TRDN: variants seen among roughly 807,000 people sequenced by gnomAD.
TRDN encodes the protein triadin in skeletal muscle.
Under a neutral mutation model 149.7 loss-of-function variants are expected in TRDN, and 161 were observed. The observed-to-expected ratio is 1.08, with a 90% CI of 0.95 to 1.23. The LOEUF is 1.23. TRDN is among the 50% of genes most tolerant of loss of function. TRDN has a pLI of 0.00. For missense variants in TRDN, 896 were observed against 823.5 expected (o/e 1.09, Z -1.08); for synonymous variants, 294 against 250.5 (o/e 1.17, Z -1.64).
At chr6:123,424,094 T>C (rs972721706) in intron 12 of TRDN, among the ~76,000 whole-genome samples, 2 of 152,280 alleles carry the variant, frequency 1.3e-5, no homozygotes, top group Admixed American at 1.3e-4. Flanking sequence ...CATTGTCATT[T>C]TTTGTTGATT....
chr6:123,258,929 G>T (rs147920155), intron 35 of TRDN, among the ~76,000 whole-genome samples: 1 of 152,110 alleles, frequency 6.6e-6, no homozygotes. Context: ...TTACATAGAG[G>T]TGTTTATAGT....
chr6:123,336,165 T>C (rs571344089), intron 22 of TRDN, among the ~76,000 whole-genome samples: 2 of 152,170 alleles, frequency 1.3e-5, no homozygotes, highest in Admixed American at 6.6e-5. Context: ...CAAAAGTGCT[T>C]TTGTGAATAC....
chr6:123,491,922 A>T (rs1022166069), intron 9 of TRDN, among the ~76,000 whole-genome samples: 24 of 152,160 alleles, frequency 1.6e-4, no homozygotes, highest in Admixed American at 1.6e-3. Context: ...AATACATTAA[A>T]CCATTAAATA....
intron 40 of TRDN, among the ~76,000 whole-genome samples, chr6:123,221,149 C>T (rs1025139329): frequency 3.3e-5 from 5 of 151,690 alleles, no homozygotes; most frequent in Non-Finnish European, 5.9e-5. Flanking sequence ...AAAAATTTGG[C>T]ATATTACTTC....
rs368816241 is a variant in TRDN at position 123,616,430 on chromosome 6, A to G, written c.22+20324T>C. Among the ~76,000 whole-genome samples, 5 of 152,096 alleles carry G rather than the reference A, an allele frequency of 3.3e-5. 1 individual carries two copies. The South Asian group carries it at 6.2e-4, about 19-fold the overall frequency. Reference sequence around the variant, plus strand: ...ATCAAATGTTTTCTTTTAGTGCTTCATGCAGTGTCTGATATGTTGTAGGAA... The same window carrying G: ...ATCAAATGTTTTCTTTTAGTGCTTCGTGCAGTGTCTGATATGTTGTAGGAA... On this transcript the variant is annotated intron_variant, in intron 1 of 40. Transcript: ENST00000334268.
intron 35 of TRDN, 85 bp downstream of exon 35, chr6:123,259,539 A>G: frequency 1.1e-6 from 1 of 885,328 alleles, no homozygotes; most frequent in Non-Finnish European, 1.7e-6. Context: ...ACTGTTTTTA[A>G]ATCATATAAT....
At chr6:123,233,371 G>A (rs1272929378) in intron 38 of TRDN, among the ~76,000 whole-genome samples, 3 of 152,118 alleles carry the variant, frequency 2.0e-5, no homozygotes, top group South Asian at 2.1e-4. Flanking sequence ...TGACTCTAGG[G>A]AATAATAAAC....
intron 21 of TRDN, among the ~76,000 whole-genome samples, chr6:123,344,824 G>A (rs972060762): frequency 1.3e-5 from 2 of 152,000 alleles, no homozygotes; most frequent in Admixed American, 6.6e-5. Context: ...TGCATCGTGA[G>A]AGTAAGGTTA....
At chr6:123,421,625 T>C (rs1773905317) in intron 12 of TRDN, 1 of 152,114 alleles carries the variant, frequency 6.6e-6, no homozygotes, top group African/African-American at 2.4e-5. Flanking sequence ...GATGGCCAAC[T>C]CTGCATCAAT....
chr6:123,237,978 G>A (rs181166745), intron 38 of TRDN, among the ~76,000 whole-genome samples: 1 of 152,228 alleles, frequency 6.6e-6, no homozygotes, highest in Non-Finnish European at 1.5e-5. Context: ...AAACAATAGA[G>A]TTGAATAATA....
intron 12 of TRDN, among the ~76,000 whole-genome samples, chr6:123,431,484 G>A (rs1562309717): frequency 6.6e-6 from 1 of 151,998 alleles, no homozygotes; most frequent in Non-Finnish European, 1.5e-5. Flanking sequence ...AATACCAATT[G>A]GATGCATTTG....
chr6:123,385,129 G>T (rs1006582962), intron 14 of TRDN, among the ~76,000 whole-genome samples: 1 of 152,092 alleles, frequency 6.6e-6, no homozygotes, highest in Admixed American at 6.6e-5. Flanking sequence ...AGTGATGCCA[G>T]ATGAAAATGA....
chr6:123,548,952 A>G (rs934746982), intron 2 of TRDN, among the ~76,000 whole-genome samples: 13 of 152,066 alleles, frequency 8.5e-5, no homozygotes, highest in African/African-American at 3.1e-4. Context: ...GGAAGAAATA[A>G]TTTCAGCACA....
chr6:123,587,942 G>C (rs1188099902), intron 1 of TRDN, among the ~76,000 whole-genome samples: 1 of 152,110 alleles, frequency 6.6e-6, no homozygotes, highest in Non-Finnish European at 1.5e-5. Context: ...AGGAACTGTC[G>C]ATCTGGATGT....
chr6:123,395,000 A>G (rs1440681931), intron 12 of TRDN, among the ~76,000 whole-genome samples: 1 of 152,180 alleles, frequency 6.6e-6, no homozygotes, highest in Non-Finnish European at 1.5e-5. Flanking sequence ...AAATGGAAGA[A>G]AAGAAGAAAA....
chr6:123,616,273 G>A (rs1324905336), intron 1 of TRDN, among the ~76,000 whole-genome samples: 4 of 151,992 alleles, frequency 2.6e-5, no homozygotes, highest in Admixed American at 6.6e-5. Flanking sequence ...TTGAGATGCA[G>A]TGAGCTATGA....
At chr6:123,432,084 A>G (rs1365154382) in intron 12 of TRDN, among the ~76,000 whole-genome samples, 1 of 152,190 alleles carries the variant, frequency 6.6e-6, no homozygotes, top group Non-Finnish European at 1.5e-5. Flanking sequence ...TGAGTTCTAT[A>G]CTAGACAAAT....
At chr6:123,327,132 G>A (rs982268555) in intron 23 of TRDN, among the ~76,000 whole-genome samples, 2 of 151,776 alleles carry the variant, frequency 1.3e-5, no homozygotes, top group African/African-American at 4.8e-5. Context: ...AACAAGTGTG[G>A]TTTTCCATTT....
intron 2 of TRDN, among the ~76,000 whole-genome samples, chr6:123,550,725 A>G (rs111284657): frequency 1.1e-3 from 163 of 152,128 alleles, no homozygotes; most frequent in African/African-American, 3.9e-3. Flanking sequence ...TTAATTTTAT[A>G]TTCCATTCTG....
Sources: gnomAD v4.1 joint callset for allele counts (sites outside exome capture counted in the v4.1 genomes callset) on GRCh38, gnomAD v4.1.1 for gene constraint, MANE v1.5 for transcripts, NCBI Gene and HGNC (gene_info 2026-07-23, HGNC 2026-07-21) for gene names.